The following SCN4A variants were observed in gnomAD, a reference collection of about 807,000 sequenced individuals.
SCN4A encodes sodium channel protein type 4 subunit alpha.
Under a neutral mutation model 162.0 loss-of-function variants are expected in SCN4A, and 83 were observed. The observed-to-expected ratio is 0.51, with a 90% CI of 0.43 to 0.61. The LOEUF (loss-of-function observed/expected upper bound fraction) is 0.61, where lower values mean the gene tolerates loss of function less well. Ranked by LOEUF, SCN4A falls within the 20% of genes least tolerant of loss-of-function variation. The pLI, the probability that SCN4A is intolerant of heterozygous loss-of-function variation, is 0.00. For missense variants in SCN4A, 2,196 were observed against 2,462.5 expected (o/e 0.89, Z 2.29); for synonymous variants, 944 against 985.1 (o/e 0.96, Z 0.78).
At chr17:63,959,534 G>A in intron 11 of SCN4A, 96 bp from the exon 12 acceptor site, 1 of 1,176,696 alleles carries the variant, frequency 8.5e-7, no homozygotes, top group Non-Finnish European at 1.2e-6. Context: ...GAGGCTGCGG[G>A]GGCGGAGGGG....
chr17:63,949,579 C>T, intron 14 of SCN4A, 51 bp from the exon 15 acceptor site: 2 of 1,544,764 alleles, frequency 1.3e-6, no homozygotes, highest in Non-Finnish European at 8.8e-7. Flanking sequence ...GAGACCCCCT[C>T]ATCCTCCTAC....
In SCN4A at chr17:63,939,756, T is replaced by C. The variant is rs908877136; in HGVS notation, c.*1015A>G. ...CTCAACTGTACATTCTTAGGATCAC[T>C]TTGGGGAGAGAGGTGGGAAAGGTGA... On this transcript the variant is annotated 3_prime_UTR_variant, in exon 24 of 24. Transcript: ENST00000435607. The C allele has an allele frequency of 6.6e-6, 1 of 152,098 alleles. No individual in the cohort carries two copies. The highest frequency in any genetic ancestry group is 6.6e-5 in the Admixed American group (1 of 15,264). 9.4% of individuals were successfully genotyped at this position (152,098 alleles called of 1,614,324 possible).
rs1209004535 is a variant in SCN4A at position 63,942,422 on chromosome 17, T to C, written c.4288+404A>G. 2.6e-5 allele frequency among the ~76,000 whole-genome samples: 4 copies of C among 152,198 alleles called. No individual in the cohort carries two copies. In the East Asian group the frequency reaches 7.7e-4, roughly 29 times the overall value. ...AAATGGGAACAACAGTTCCTGATCATGACATTGTTATGAACAACAGGTGAG... is the reference window on the plus strand; with the variant it reads ...AAATGGGAACAACAGTTCCTGATCACGACATTGTTATGAACAACAGGTGAG... On this transcript the variant is annotated intron_variant, in intron 23 of 23. Coordinates refer to ENST00000435607, the MANE Select transcript of SCN4A (RefSeq NM_000334.4).
chr17:63,943,733 C>T lies in SCN4A; in HGVS notation c.4017+13G>A. 1 of 1,557,186 alleles carries T rather than the reference C, an allele frequency of 6.4e-7. No individual in the cohort carries two copies. Among genetic ancestry groups the T allele is most frequent in the East Asian group, 2.2e-5 (1 of 44,608 alleles). On this transcript the variant is annotated intron_variant, in intron 22 of 23. Coordinates refer to ENST00000435607, the MANE Select transcript of SCN4A (RefSeq NM_000334.4). ...GGCAGCACACACAGGACAGGGGGCC[C>T]AGAGGTCTGTACCTGGGGCCGGGGA...
chr17:63,946,363 G>T (rs1434017300), intron 18 of SCN4A, among the ~76,000 whole-genome samples: 1 of 152,084 alleles, frequency 6.6e-6, no homozygotes, highest in Non-Finnish European at 1.5e-5. Flanking sequence ...GGCCGCTTGG[G>T]GGGGCTCGCC....
rs879811843 is a variant in SCN4A at position 63,950,922 on chromosome 17, G to A, written c.2853+502C>T. On this transcript the variant is annotated intron_variant, in intron 14 of 23. Transcript: ENST00000435607. The surrounding 1 kb of genome is among the most constrained non-coding windows in gnomAD (Gnocchi z 4.6). Reference sequence around the variant, plus strand: ...TGTCCTCAACTCCCGTTGGCCCCTAGCTCCTCTCCTGAATCCCCTGCCTGG... The same window carrying A: ...TGTCCTCAACTCCCGTTGGCCCCTAACTCCTCTCCTGAATCCCCTGCCTGG... 3.9e-5 allele frequency among the ~76,000 whole-genome samples: 6 copies of A among 152,226 alleles called. No individual in the cohort carries two copies.
rs996616002 is a variant in SCN4A, at chr17:63,950,270, C to T, written c.2854-742G>A. 2.4e-4 allele frequency among the ~76,000 whole-genome samples: 37 copies of T among 152,162 alleles called. No individual in the cohort carries two copies. The highest frequency in any genetic ancestry group is 1.1e-3 in the Admixed American group (17 of 15,286). The stretch of plus-strand genomic sequence containing the variant: ...ATCCAGAGTGGTGACCAGAAAACCA[C>T]CATGGCCGGGGTGGGGGTCCTTGTT... On this transcript the variant is annotated intron_variant, in intron 14 of 23. Transcript: ENST00000435607. The surrounding 1 kb of genome is among the most constrained non-coding windows in gnomAD (Gnocchi z 4.6).
chr17:63,946,995 T>TGG, intron 18 of SCN4A, 50 bp downstream of exon 18: 1 of 1,507,906 alleles, frequency 6.6e-7, no homozygotes, highest in Non-Finnish European at 9.0e-7. Context: ...GCAGTGAAGG[T>TGG]GGCCGGTCCC....
At chr17:63,942,078 C>G in intron 23 of SCN4A, 85 bp from the exon 24 acceptor site, 1 of 1,321,956 alleles carries the variant, frequency 7.6e-7, no homozygotes, top group South Asian at 1.5e-5. Context: ...TCAGGGGGCC[C>G]GGCCTGGTGT....
chr17:63,972,687 C>T lies in SCN4A; in HGVS notation c.155G>A (p.Arg52Gln), dbSNP rs1240011068. 41 of 1,613,564 alleles carry T rather than the reference C, an allele frequency of 2.5e-5. No homozygotes were observed. Among genetic ancestry groups the T allele is most frequent in the Middle Eastern group, 3.3e-4 (2 of 6,084 alleles). The change falls in exon 1 of 24, where the codon CGG (arginine) becomes CAG (glutamine). Residue 52 changes from arginine (R) to glutamine (Q), a missense_variant. Physicochemically the swap from Arg to Gln is conservative, Grantham distance 43. Coordinates refer to ENST00000435607, the MANE Select transcript of SCN4A (RefSeq NM_000334.4). This position sits in a 1 kb window ranked among gnomAD's most constrained non-coding sequence, Gnocchi z 4.3. ...AGCCTCCAAGTCACTTCGTGGCTTC[C>T]GTTCGGGCTCCTCAATCTCCATCTG... ...NKQMEIEEPE[R>Q]KPRSDLEAGK...
intron 4 of SCN4A, 99 bp downstream of exon 4, chr17:63,971,623 G>A (rs1014496130): frequency 5.5e-6 from 6 of 1,096,588 alleles, no homozygotes; most frequent in Non-Finnish European, 1.3e-6. Context: ...ACTGACCGAT[G>A]TCCCCTGCAG....
In SCN4A at chr17:63,945,310, G is replaced by A. The variant is rs116306098; in HGVS notation, c.3720+50C>T. On this transcript the variant is annotated intron_variant, in intron 19 of 23. Coordinates refer to ENST00000435607, the MANE Select transcript of SCN4A (RefSeq NM_000334.4). The surrounding 1 kb of genome is among the most constrained non-coding windows in gnomAD (Gnocchi z 4.4). ...TTGGGTACAACGAGAGGACCGGGGT[G>A]GGGGGCACCTCCATCCAGGTTCCCG... The A allele has an allele frequency of 2.6e-6, 4 of 1,513,574 alleles. No individual in the cohort carries two copies. Among genetic ancestry groups the A allele is most frequent in the Middle Eastern group, 1.8e-4 (1 of 5,650 alleles). 93.8% of individuals were successfully genotyped at this position (1,513,574 alleles called of 1,614,324 possible). A position where few individuals can be genotyped will look rare whatever the true frequency, so the allele number is the denominator to read the frequency against.
At chr17:63,964,779 C>A (rs1036154992) in intron 8 of SCN4A, 102 bp from the exon 9 acceptor site, 27 of 880,186 alleles carry the variant, frequency 3.1e-5, no homozygotes, top group Non-Finnish European at 4.4e-5. Flanking sequence ...GTAAGCAGAG[C>A]CCCTCCCTCA....
At chr17:63,971,038 C>T (rs1909593192) in intron 5 of SCN4A, 124 bp downstream of exon 5, 3 of 693,650 alleles carry the variant, frequency 4.3e-6, no homozygotes, top group Non-Finnish European at 7.7e-6. Context: ...TATGTCCAGG[C>T]TTTGCTGTGA....
rs774304336 is a variant in SCN4A at position 63,959,379 on chromosome 17, G to A, written c.1905C>T (p.Tyr635=). The change falls in exon 12 of 24, where the codon TAC becomes TAT. Residue 635 remains tyrosine (Y), a synonymous_variant. Transcript: ENST00000435607. The part of the protein sequence containing the change: ...MVLKLIAMDP[Y]EYFQQGWNIF... ...TATTCCAACCCTGCTGGAAATACTC[G>A]TAGGGGTCCATGGCAATCAGCTTCA... 3.1e-6 allele frequency: 5 copies of A among 1,613,814 alleles called. No individual in the cohort carries two copies. The highest frequency in any genetic ancestry group is 2.2e-5 in the South Asian group (2 of 91,086).
rs758833537 is a variant in SCN4A, at chr17:63,963,739, C to A, written c.1539G>T (p.Ser513=). ...GKDCNGSLDT[S]QGEKGAPRQS... ...GCCTCGGGGCTCCCTTCTCCCCTTGCGATGTGTCCAGGCTGCCATTGCAGT... is the reference window on the plus strand; with the variant it reads ...GCCTCGGGGCTCCCTTCTCCCCTTGAGATGTGTCCAGGCTGCCATTGCAGT... The change falls in exon 10 of 24, where the codon TCG becomes TCT. Residue 513 remains serine (S), a synonymous_variant. Coordinates refer to ENST00000435607, the MANE Select transcript of SCN4A (RefSeq NM_000334.4). 15 of 1,608,192 alleles carry A rather than the reference C, an allele frequency of 9.3e-6. No individual in the cohort carries two copies. Among genetic ancestry groups the A allele is most frequent in the South Asian group, 2.2e-5 (2 of 90,122 alleles).
rs773489142 is a variant in SCN4A, at chr17:63,948,027, T to C, written c.3181A>G (p.Ile1061Val). The change falls in exon 17 of 24, where the codon ATT becomes GTT. Residue 1061 changes from isoleucine to valine, a missense_variant. Coordinates refer to ENST00000435607, the MANE Select transcript of SCN4A (RefSeq NM_000334.4). ...TCGGCATATTCTAGGATGGTGCGAA[T>C]GACTCGCCGCTGCTCAATGTAGATG... ...EDIYIEQRRV[I>V]RTILEYADKV... 3.7e-6 allele frequency: 6 copies of C among 1,612,930 alleles called. No homozygotes were observed. Among genetic ancestry groups the C allele is most frequent in the Middle Eastern group, 1.7e-4 (1 of 6,054 alleles).
chr17:63,966,537 G>A lies in SCN4A; in HGVS notation c.1044C>T (p.Phe348=). 1 of 1,613,730 alleles carries A rather than the reference G, an allele frequency of 6.2e-7. No individual in the cohort carries two copies. Among genetic ancestry groups the A allele is most frequent in the Non-Finnish European group, 8.5e-7 (1 of 1,179,760 alleles). The change falls in exon 7 of 24, where the codon TTC becomes TTT. Residue 348 remains phenylalanine, a synonymous_variant. Coordinates refer to ENST00000435607, the MANE Select transcript of SCN4A (RefSeq NM_000334.4). ...CATCGTTGGAGCCCTCCAGGAAGTA[G>A]AAGTTCCCTTTGGGAGTCAGAGGCC... The part of the protein sequence containing the change: ...WDAYISDEGN[F]YFLEGSNDAL...
chr17:63,959,230 C>A lies in SCN4A; in HGVS notation c.2019+35G>T, dbSNP rs754417340. Reference sequence around the variant, plus strand: ...CCTCCTTAGTCTCCTCACCCCACCCCCATCCCAGCCCCTGGCCCTGGGGCT... The same window carrying A: ...CCTCCTTAGTCTCCTCACCCCACCCACATCCCAGCCCCTGGCCCTGGGGCT... On this transcript the variant is annotated intron_variant, in intron 12 of 23. Transcript: ENST00000435607. 1.0e-5 allele frequency: 16 copies of A among 1,586,470 alleles called. 1 individual carries two copies. The South Asian group carries it at 1.6e-4, about 16-fold the overall frequency.
Sources: gnomAD v4.1 joint callset for allele counts (sites outside exome capture counted in the v4.1 genomes callset) on GRCh38, gnomAD v4.1.1 for gene constraint, Gnocchi (gnomAD v3.1) non-coding constraint, MANE v1.5 for transcripts, NCBI Gene and HGNC (gene_info 2026-07-23, HGNC 2026-07-21) for gene names.